The following TENM3 variants were observed in gnomAD, a reference collection of about 807,000 sequenced individuals.
The protein encoded by TENM3 is teneurin-3.
A neutral mutation model predicts 255.1 loss-of-function variants in TENM3; 63 were observed. The ratio of observed to expected loss-of-function variants is 0.25; its 90% CI spans 0.20 to 0.30. The LOEUF (loss-of-function observed/expected upper bound fraction) is 0.30. Ranked by LOEUF, TENM3 falls within the 10% of genes least tolerant of loss-of-function variation. The pLI, the probability that TENM3 is intolerant of heterozygous loss-of-function variation, is 1.00. For missense variants in TENM3, 2,929 were observed against 3,461.1 expected (o/e 0.85, Z 3.86); for synonymous variants, 1,306 against 1,322.3 (o/e 0.99, Z 0.27).
chr4:182,087,983 A>G, the TENM3 span, among the ~76,000 whole-genome samples: 3 of 152,206 alleles, frequency 2.0e-5, no homozygotes, highest in East Asian at 5.8e-4. Flanking sequence ...TAGGCGCTAC[A>G]TAAATGCTCA....
chr4:182,108,881 G>A, the TENM3 span, among the ~76,000 whole-genome samples: 2 of 151,994 alleles, frequency 1.3e-5, no homozygotes, highest in Admixed American at 6.6e-5. Context: ...TGATGAAATA[G>A]AAAAGTCATC....
At chr4:181,950,770 G>A in the TENM3 span, among the ~76,000 whole-genome samples, 572 of 152,318 alleles carry the variant, frequency 3.8e-3, 2 homozygotes, top group African/African-American at 0.013. Context: ...ACCAGACACA[G>A]TTGCTCATGC....
chr4:182,047,123 A>C, the TENM3 span, among the ~76,000 whole-genome samples: 1 of 152,208 alleles, frequency 6.6e-6, no homozygotes, highest in African/African-American at 2.4e-5. Flanking sequence ...CCAGAGGTAA[A>C]TATGCCTGAT....
chr4:182,691,597 C>T (rs1237118903), intron 12 of TENM3, among the ~76,000 whole-genome samples: 3 of 152,180 alleles, frequency 2.0e-5, no homozygotes, highest in Non-Finnish European at 4.4e-5. Flanking sequence ...ATATTTTCCT[C>T]TCATTATGAA....
the TENM3 span, among the ~76,000 whole-genome samples, chr4:182,097,959 A>G: frequency 6.6e-6 from 1 of 152,214 alleles, no homozygotes; most frequent in Non-Finnish European, 1.5e-5. Flanking sequence ...GGCAAAGCCT[A>G]GCACTCAAAC....
chr4:181,450,481 C>T, the TENM3 span, among the ~76,000 whole-genome samples: 1 of 152,110 alleles, frequency 6.6e-6, no homozygotes, highest in Non-Finnish European at 1.5e-5. Context: ...GGCATCTGCT[C>T]CTTTTCCGCC....
chr4:181,577,513 C>T, the TENM3 span, among the ~76,000 whole-genome samples: 6 of 152,080 alleles, frequency 3.9e-5, no homozygotes, highest in African/African-American at 1.2e-4. Flanking sequence ...TCCTTCTCTA[C>T]ATACTCTTTC....
chr4:182,297,937 G>A (rs1322382713), intron 1 of TENM3, among the ~76,000 whole-genome samples: 3 of 152,134 alleles, frequency 2.0e-5, no homozygotes, highest in Non-Finnish European at 4.4e-5. Context: ...CTGCCCCATA[G>A]CCTGCGCTGC....
the TENM3 span, among the ~76,000 whole-genome samples, chr4:181,563,014 C>G: frequency 2.6e-5 from 4 of 152,184 alleles, no homozygotes; most frequent in African/African-American, 7.2e-5. Flanking sequence ...GATACTTTTG[C>G]TAATGTTCTT....
intron 4 of TENM3, among the ~76,000 whole-genome samples, chr4:182,606,617 TAC>T (rs1468326398): frequency 6.6e-6 from 1 of 151,790 alleles, no homozygotes; most frequent in Non-Finnish European, 1.5e-5. Flanking sequence ...CCAGCAGCAT[TAC>T]AGTTTGGGTT....
chr4:181,532,264 A>C, the TENM3 span, among the ~76,000 whole-genome samples: 2 of 152,162 alleles, frequency 1.3e-5, no homozygotes. Context: ...ATTGGGCTTT[A>C]GGACTAAGAT....
At chr4:181,898,749 A>G in the TENM3 span, among the ~76,000 whole-genome samples, 9 of 152,096 alleles carry the variant, frequency 5.9e-5, no homozygotes, top group South Asian at 2.1e-4. Flanking sequence ...TTCATCTGTC[A>G]TGTGTGTGTG....
At chr4:181,924,435 G>A in the TENM3 span, among the ~76,000 whole-genome samples, 1 of 152,160 alleles carries the variant, frequency 6.6e-6, no homozygotes, top group Admixed American at 6.5e-5. Flanking sequence ...TCAGACCTGA[G>A]AATCATCATT....
the TENM3 span, among the ~76,000 whole-genome samples, chr4:181,920,957 G>C: frequency 6.6e-6 from 1 of 152,178 alleles, no homozygotes; most frequent in Non-Finnish European, 1.5e-5. Flanking sequence ...CATATGGCTA[G>C]CCAGTTTTCC....
chr4:181,626,555 C>T, the TENM3 span, among the ~76,000 whole-genome samples: 1 of 151,802 alleles, frequency 6.6e-6, no homozygotes, highest in African/African-American at 2.4e-5. Context: ...ATTGTGAGAG[C>T]ACAGCAAGGG....
chr4:182,408,858 G>A (rs1249283899), intron 3 of TENM3, among the ~76,000 whole-genome samples: 1 of 152,202 alleles, frequency 6.6e-6, no homozygotes, highest in Non-Finnish European at 1.5e-5. Context: ...GCCCCTTGGG[G>A]CCTTTGGCAG....
At chr4:182,371,098 T>C (rs1048455746) in intron 3 of TENM3, among the ~76,000 whole-genome samples, 3 of 152,148 alleles carry the variant, frequency 2.0e-5, no homozygotes, top group African/African-American at 7.2e-5. Context: ...TCAAAACTAA[T>C]TAGACCAATA....
At chr4:182,592,553 G>A (rs994466821) in intron 3 of TENM3, among the ~76,000 whole-genome samples, 7 of 152,078 alleles carry the variant, frequency 4.6e-5, no homozygotes, top group East Asian at 1.9e-4. Flanking sequence ...GTGAAACCCC[G>A]TTTCTACTAA....
chr4:181,712,392 C>T, the TENM3 span, among the ~76,000 whole-genome samples: 7 of 152,212 alleles, frequency 4.6e-5, no homozygotes, highest in South Asian at 1.5e-3. Flanking sequence ...GGGACCTCCC[C>T]ACTCTCTTGC....
Sources: gnomAD v4.1 joint callset for allele counts (sites outside exome capture counted in the v4.1 genomes callset) on GRCh38, gnomAD v4.1.1 for gene constraint, MANE v1.5 for transcripts, NCBI Gene and HGNC (gene_info 2026-07-23, HGNC 2026-07-21) for gene names.